DLG3: variants seen among roughly 807,000 people sequenced by gnomAD.
The protein encoded by DLG3 is discs large MAGUK scaffold protein 3.
In DLG3, 1 loss-of-function variant was observed where a neutral mutation model predicts 64.1. The ratio of observed to expected loss-of-function variants is 0.02; its 90% CI spans 0.01 to 0.07. DLG3 has a LOEUF of 0.07. Among genes scored for constraint, DLG3 ranks in the 10% least tolerant of loss-of-function variants. The pLI is 1.00. For synonymous variants in DLG3, 245 were observed against 259.8 expected (o/e 0.94, Z 0.55); for missense variants, 429 against 669.5 (o/e 0.64, Z 3.96).
intron 9 of DLG3, among the ~76,000 whole-genome samples, chrX:70,457,976 A>C (rs1183070119): frequency 1.8e-5 from 2 of 111,221 alleles, no homozygotes; most frequent in Non-Finnish European, 3.8e-5. Context: ...CTCAAGCTCA[A>C]GCCATCCTCC....
intron 13 of DLG3, chrX:70,497,112 G>A: frequency 9.1e-7 from 1 of 1,097,728 alleles, no homozygotes; most frequent in Non-Finnish European, 1.3e-6. Context: ...GAGCATTTGA[G>A]TTTTGTGCTG....
intron 14 of DLG3, 21 bp from the exon 15 acceptor site, chrX:70,499,155 C>T (rs2087509937): frequency 8.6e-7 from 1 of 1,156,177 alleles, no homozygotes; most frequent in Non-Finnish European, 1.2e-6. Flanking sequence ...TGTTCACTGT[C>T]TCGATGCTCT....
chrX:70,469,810 G>A (rs982432780), intron 9 of DLG3, among the ~76,000 whole-genome samples: 2 of 111,370 alleles, frequency 1.8e-5, no homozygotes, highest in Non-Finnish European at 3.8e-5. Context: ...GCAAATATAG[G>A]AACCTAAACC....
At chrX:70,493,092 G>A (rs2087388423) in intron 12 of DLG3, among the ~76,000 whole-genome samples, 3 of 112,124 alleles carry the variant, frequency 2.7e-5, no homozygotes, top group African/African-American at 9.7e-5. Flanking sequence ...TAGGGCATGT[G>A]TCCAGGAGGC....
At chrX:70,482,517 G>C (rs2087172045) in intron 10 of DLG3, among the ~76,000 whole-genome samples, 3 of 110,836 alleles carry the variant, frequency 2.7e-5, no homozygotes, top group African/African-American at 9.8e-5. Context: ...CTTGAACTTG[G>C]TTGCTCTGAC....
At chrX:70,448,595 C>T in intron 1 of DLG3, 1 of 1,166,194 alleles carries the variant, frequency 8.6e-7, no homozygotes, top group Non-Finnish European at 1.1e-6. Flanking sequence ...GCCTGCACCC[C>T]TCCTAGTGAA....
chrX:70,497,526 G>A (rs779253980), intron 13 of DLG3, among the ~76,000 whole-genome samples: 17 of 112,363 alleles, frequency 1.5e-4, no homozygotes, highest in Non-Finnish European at 2.8e-4. Context: ...TGGGCCATAG[G>A]TGCTGCCAGG....
intron 18 of DLG3, among the ~76,000 whole-genome samples, chrX:70,501,514 A>G (rs926840321): frequency 1.8e-5 from 2 of 110,344 alleles, no homozygotes; most frequent in African/African-American, 3.3e-5. Context: ...ACAGTGACAT[A>G]TATATACATA....
In DLG3 at chrX:70,503,580, G is replaced by A. The variant is rs1199001398; in HGVS notation, c.*1311G>A. On this transcript the variant is annotated 3_prime_UTR_variant, in exon 19 of 19. Coordinates refer to ENST00000374360, the MANE Select transcript of DLG3 (RefSeq NM_021120.4). ...GCACTTGGCTTGCTTGGCCAGCTGC[G>A]TCATGAGTTTGATTTGGTTTTTTTT... 1 of 110,944 alleles carries A rather than the reference G, an allele frequency of 9.0e-6. No homozygotes were observed. Among genetic ancestry groups the A allele is most frequent in the Non-Finnish European group, 1.9e-5 (1 of 52,830 alleles). The allele number at this position is 110,944 out of a possible 1,213,427, so 9.1% of individuals were successfully genotyped here. A position where few individuals can be genotyped will look rare whatever the true frequency, so the allele number is the denominator to read the frequency against.
At chrX:70,459,231 C>A (rs970831338) in intron 9 of DLG3, among the ~76,000 whole-genome samples, 1 of 111,970 alleles carries the variant, frequency 8.9e-6, no homozygotes, top group Admixed American at 9.5e-5. Context: ...TCCAGGCAGG[C>A]TGGGGGTACA....
rs772096519 is a variant in DLG3 at position 70,501,008 on chromosome X, T to C, written c.2347+19T>C. On this transcript the variant is annotated intron_variant, in intron 18 of 18. Coordinates refer to ENST00000374360, the MANE Select transcript of DLG3 (RefSeq NM_021120.4). ...TTTACAGGTAAGACTCCTGCTGCCC[T>C]GCGGGGGGTTCTGGGGAACTAGCCA... 4.5e-6 allele frequency: 5 copies of C among 1,120,910 alleles called. No individual in the cohort carries two copies. In the Admixed American group the frequency reaches 1.2e-4, roughly 27 times the overall value. 92.4% of individuals were successfully genotyped at this position (1,120,910 alleles called of 1,213,427 possible). A position where few individuals can be genotyped will look rare whatever the true frequency, so the allele number is the denominator to read the frequency against.
chrX:70,449,712 G>A lies in DLG3; in HGVS notation c.556G>A (p.Val186Met). 1 of 1,211,122 alleles carries A rather than the reference G, an allele frequency of 8.3e-7. No homozygotes were observed. The highest frequency in any genetic ancestry group is 1.1e-6 in the Non-Finnish European group (1 of 895,441). ...CAGGGTGAATGACTGTGTGCTGCGG[G>A]TGAATGAGGTGGACGTGTCGGAGGT... ...RLGVNDCVLRVNEVDVSEVVH... is the reference protein window; with the variant it reads ...RLGVNDCVLRMNEVDVSEVVH... The change falls in exon 4 of 19, where the codon GTG becomes ATG. Residue 186 changes from valine to methionine, a missense_variant. Around this residue, in one of 9 missense-constraint regions of DLG3, gnomAD observed 73 missense variants for 158.5 expected, o/e 0.46. Coordinates refer to ENST00000374360, the MANE Select transcript of DLG3 (RefSeq NM_021120.4).
intron 10 of DLG3, among the ~76,000 whole-genome samples, chrX:70,490,055 G>A (rs1420292921): frequency 2.7e-5 from 3 of 110,219 alleles, no homozygotes; most frequent in East Asian, 5.7e-4. Context: ...CAGAGACGGG[G>A]TTTTGCCATG....
Position 70,500,046 on chromosome X carries a change from G to C in DLG3, c.2142G>C (p.Glu714Asp), listed in dbSNP as rs188750177. The C allele has an allele frequency of 8.3e-7, 1 of 1,206,850 alleles. No homozygotes were observed. The highest frequency in any genetic ancestry group is 1.8e-5 in the African/African-American group (1 of 57,074). The change falls in exon 16 of 19, where the codon GAG (glutamate) becomes GAC (aspartate). Residue 714 changes from glutamate to aspartate, a missense_variant. Physicochemically the swap from Glu to Asp is conservative, Grantham distance 45. Coordinates refer to ENST00000374360, the MANE Select transcript of DLG3 (RefSeq NM_021120.4). Reference sequence around the variant, plus strand: ...TCCAGTCAGTGCGGGCAGTTGCAGAGAGGGTAAGTGTACAGGAGATGGCCT... The same window carrying C: ...TCCAGTCAGTGCGGGCAGTTGCAGACAGGGTAAGTGTACAGGAGATGGCCT... ...TSIQSVRAVA[E>D]RGKHCILDVS...
In DLG3 at chrX:70,504,836, A is replaced by G. The variant is rs753945665; in HGVS notation, c.*2567A>G. The stretch of plus-strand genomic sequence containing the variant: ...GCAGAGCAGGACAGCAGTCATCCCC[A>G]TAGCCCTCTGAGGAGGGGAGGGATG... On this transcript the variant is annotated 3_prime_UTR_variant, in exon 19 of 19. Transcript: ENST00000374360. 1.8e-5 allele frequency: 2 copies of G among 112,476 alleles called. No homozygotes were observed. The highest frequency in any genetic ancestry group is 3.8e-5 in the Non-Finnish European group (2 of 53,247). 9.3% of individuals were successfully genotyped at this position (112,476 alleles called of 1,213,427 possible). A position where few individuals can be genotyped will look rare whatever the true frequency, so the allele number is the denominator to read the frequency against.
chrX:70,495,317 C>G (rs1052643079), intron 12 of DLG3, 91 bp from the exon 13 acceptor site: 1 of 870,188 alleles, frequency 1.1e-6, no homozygotes, highest in African/African-American at 2.0e-5. Context: ...CTCCCCAAAT[C>G]TCTCCCTCTC....
chrX:70,462,293 A>G (rs1438988405), intron 9 of DLG3, among the ~76,000 whole-genome samples: 1 of 77,940 alleles, frequency 1.3e-5, no homozygotes, highest in East Asian at 3.9e-4. Context: ...TCTGTTACCC[A>G]GGCTGGAGTG....
rs758081285 is a variant in DLG3, at chrX:70,476,686, T to A, written c.1406-2464T>A. On this transcript the variant is annotated intron_variant, in intron 9 of 18. Coordinates refer to ENST00000374360, the MANE Select transcript of DLG3 (RefSeq NM_021120.4). ...GGGAACAAAAGTAAATGTGAATGCT[T>A]CTTAACCACCTTTCTAAGCCCTCAG... Among the ~76,000 whole-genome samples, 8 of 112,506 alleles carry A rather than the reference T, an allele frequency of 7.1e-5. No individual in the cohort carries two copies. The East Asian group carries it at 2.2e-3, about 31-fold the overall frequency.
intron 9 of DLG3, 28 bp downstream of exon 9, chrX:70,454,344 G>T (rs1195796981): frequency 1.7e-6 from 2 of 1,151,137 alleles, no homozygotes; most frequent in South Asian, 1.8e-5. Context: ...GGGAAGAGAT[G>T]ATGTGGGGGA....
Sources: gnomAD v4.1 joint callset for allele counts (sites outside exome capture counted in the v4.1 genomes callset) on GRCh38, gnomAD v4.1.1 for gene constraint, gnomAD v4.1.1 regional missense constraint, MANE v1.5 for transcripts, NCBI Gene and HGNC (gene_info 2026-07-23, HGNC 2026-07-21) for gene names.